Variants in ZNF705A observed in about 807,000 individuals in gnomAD.
ZNF705A encodes zinc finger protein 705A.
In ZNF705A, 8 loss-of-function variants were observed where a neutral mutation model predicts 16.6. The ratio of observed to expected loss-of-function variants is 0.48; its 90% CI spans 0.28 to 0.87. ZNF705A has a LOEUF of 0.87. Ranked by LOEUF, ZNF705A falls within the 40% of genes least tolerant of loss-of-function variation. ZNF705A has a pLI of 0.10. For synonymous variants in ZNF705A, 73 were observed against 117.3 expected (o/e 0.62, Z 2.44); for missense variants, 233 against 359.9 (o/e 0.65, Z 2.85).
At chr12:8,162,410 C>G (rs1419512412) in intron 1 of ZNF705A, among the ~76,000 whole-genome samples, 1 of 152,084 alleles carries the variant, frequency 6.6e-6, no homozygotes, top group Non-Finnish European at 1.5e-5. Context: ...AGAGCGAGGC[C>G]TCATTAACAG....
rs866644039 is a variant in ZNF705A at position 8,174,635 on chromosome 12, T to A, written c.139+183T>A. Reference sequence around the variant, plus strand: ...ATAAATATCTTTCTTTTTATTTTATTTTATTTAGTTTGTCACTCAATTAGA... The same window carrying A: ...ATAAATATCTTTCTTTTTATTTTATATTATTTAGTTTGTCACTCAATTAGA... On this transcript the variant is annotated intron_variant, in intron 2 of 4. Transcript: ENST00000359286. Among the ~76,000 whole-genome samples the A allele has an allele frequency of 5.3e-5, 8 of 152,346 alleles. No individual in the cohort carries two copies. The Middle Eastern group carries it at 0.014, about 259-fold the overall frequency.
intron 1 of ZNF705A, among the ~76,000 whole-genome samples, chr12:8,163,530 C>G (rs1332414198): frequency 6.6e-6 from 1 of 152,168 alleles, no homozygotes; most frequent in Non-Finnish European, 1.5e-5. Flanking sequence ...CAGCCTCATC[C>G]TACATTGTTG....
chr12:8,176,794 T>C (rs947586172), intron 4 of ZNF705A, among the ~76,000 whole-genome samples: 6 of 152,184 alleles, frequency 3.9e-5, no homozygotes, highest in African/African-American at 1.4e-4. Flanking sequence ...GGCAGGTTTC[T>C]GTGACCCAGT....
At chr12:8,158,048 A>T (rs764159194) in intron 1 of ZNF705A, among the ~76,000 whole-genome samples, 6 of 152,150 alleles carry the variant, frequency 3.9e-5, no homozygotes, top group Non-Finnish European at 8.8e-5. Context: ...CATGGATTAT[A>T]GTGTCCAGTG....
upstream of ZNF705A, among the ~76,000 whole-genome samples, chr12:8,167,598 G>T (rs888649792): frequency 6.6e-6 from 1 of 152,184 alleles, no homozygotes; most frequent in African/African-American, 2.4e-5. Context: ...TTGGAAGGTA[G>T]ATAAGTTCAC....
At chr12:8,163,554 G>A (rs1948374616) in intron 1 of ZNF705A, among the ~76,000 whole-genome samples, 1 of 152,054 alleles carries the variant, frequency 6.6e-6, no homozygotes, top group Non-Finnish European at 1.5e-5. Flanking sequence ...ACCCATCATG[G>A]ACCATATGGC....
exon 5 of ZNF705A, chr12:8,178,423 G>A (rs1252176834): frequency 6.5e-6 from 1 of 152,804 alleles, no homozygotes; most frequent in African/African-American, 2.4e-5. Context: ...ATCCTGAAAG[G>A]AGAAAATTCT....
chr12:8,173,132 T>C (rs1268224317), intron 1 of ZNF705A, among the ~76,000 whole-genome samples: 1 of 152,172 alleles, frequency 6.6e-6, no homozygotes, highest in Non-Finnish European at 1.5e-5. Flanking sequence ...AGCAGCTGAG[T>C]TCAATAAATC....
intron 2 of ZNF705A, among the ~76,000 whole-genome samples, 162 bp from the exon 4 acceptor site, chr12:8,175,066 G>C (rs1054765363): frequency 2.6e-5 from 4 of 152,128 alleles, no homozygotes; most frequent in Non-Finnish European, 5.9e-5. Context: ...CCAGTCTCAT[G>C]TTGGGTCAGA....
upstream of ZNF705A, among the ~76,000 whole-genome samples, chr12:8,167,805 G>C (rs1948412360): frequency 6.6e-6 from 1 of 152,210 alleles, no homozygotes; most frequent in Non-Finnish European, 1.5e-5. Context: ...AGCGGAAAAA[G>C]AGACTGAGCG....
chr12:8,168,154 A>G (rs1948415328), upstream of ZNF705A, among the ~76,000 whole-genome samples: 1 of 152,150 alleles, frequency 6.6e-6, no homozygotes, highest in African/African-American at 2.4e-5. Flanking sequence ...CTTAACATGC[A>G]CGCCCAAGAA....
At position 8,173,626 on chromosome 12, in the gene ZNF705A, T is replaced by C. The variant is rs1948462524; in HGVS notation, c.13-700T>C. 2.6e-5 allele frequency among the ~76,000 whole-genome samples: 4 copies of C among 152,208 alleles called. 1 individual carries two copies. Among genetic ancestry groups the C allele is most frequent in the Admixed American group, 6.5e-5 (1 of 15,276 alleles). ...CTTGTCTTGTGCTGCTAGACTGTCT[T>C]TAAGCCTTGTCATGAACACCTGAAT... On this transcript the variant is annotated intron_variant, in intron 1 of 4. Transcript: ENST00000359286.
chr12:8,159,901 G>C (rs147484360), intron 1 of ZNF705A, among the ~76,000 whole-genome samples: 1 of 152,116 alleles, frequency 6.6e-6, no homozygotes, highest in African/African-American at 2.4e-5. Context: ...CCTTGCCTAA[G>C]CCAATGTCTA....
At chr12:8,174,772 A>G (rs1248134180) in intron 2 of ZNF705A, among the ~76,000 whole-genome samples, 1 of 152,234 alleles carries the variant, frequency 6.6e-6, no homozygotes, top group Non-Finnish European at 1.5e-5. Flanking sequence ...ATATTTTCTA[A>G]ATAACTCTTC....
chr12:8,160,238 A>G (rs10770258), intron 1 of ZNF705A, among the ~76,000 whole-genome samples: 74,762 of 151,966 alleles, frequency 0.49, 18,722 homozygotes, highest in South Asian at 0.6. Context: ...CTTATAATAT[A>G]TTTTGAAATT....
chr12:8,167,553 A>G (rs1948409684), upstream of ZNF705A, among the ~76,000 whole-genome samples: 1 of 152,184 alleles, frequency 6.6e-6, no homozygotes, highest in Non-Finnish European at 1.5e-5. Flanking sequence ...GACCTTGGGG[A>G]AAGAGAGTCT....
chr12:8,174,583 A>G, intron 2 of ZNF705A, 131 bp downstream of exon 3: 1 of 1,554,856 alleles, frequency 6.4e-7, no homozygotes, highest in Admixed American at 1.9e-5. Flanking sequence ...ATCTGAAAAA[A>G]GTTTGAACTT....
At chr12:8,171,363 A>G (rs1948443670), upstream of ZNF705A, among the ~76,000 whole-genome samples, 1 of 152,240 alleles carries the variant, frequency 6.6e-6, no homozygotes, top group Non-Finnish European at 1.5e-5. Flanking sequence ...ACATTCATAT[A>G]AACATATGCA....
intron 1 of ZNF705A, among the ~76,000 whole-genome samples, chr12:8,173,207 C>T (rs969105258): frequency 3.3e-5 from 5 of 152,188 alleles, no homozygotes; most frequent in African/African-American, 7.2e-5. Flanking sequence ...TATATTTGAG[C>T]TTCTAAAAAC....
Sources: allele counts gnomAD v4.1 joint callset (sites outside exome capture counted in the v4.1 genomes callset), GRCh38; gene constraint gnomAD v4.1.1; transcripts MANE v1.5; gene names NCBI Gene and HGNC (gene_info 2026-07-23, HGNC 2026-07-21).